Variants in HARS2 observed in about 807,000 individuals in gnomAD.
HARS2 encodes the protein histidine--tRNA ligase, mitochondrial.
HARS2 carries 40 observed loss-of-function variants against 62.4 expected under a neutral mutation model. That is an observed-to-expected ratio of 0.64 (90% confidence interval 0.50 to 0.83). The LOEUF (loss-of-function observed/expected upper bound fraction) is 0.83, where lower values mean the gene tolerates loss of function less well. HARS2 is among the 40% of genes least tolerant of loss of function. The pLI, the probability that HARS2 is intolerant of heterozygous loss-of-function variation, is 0.00. For missense variants in HARS2, 569 were observed against 626.4 expected (o/e 0.91, Z 0.98); for synonymous variants, 228 against 227.0 (o/e 1.00, Z -0.04).
intron 1 of HARS2, among the ~76,000 whole-genome samples, chr5:140,692,853 C>T (rs1759571075): frequency 6.6e-6 from 1 of 151,126 alleles, no homozygotes; most frequent in Non-Finnish European, 1.5e-5. Flanking sequence ...GATCGTGCCA[C>T]TGCACTCCAG....
Position 140,695,778 on chromosome 5 carries a change from A to G in HARS2, c.566A>G (p.Asp189Gly). 6.2e-7 allele frequency: 1 copy of G among 1,614,108 alleles called. No individual in the cohort carries two copies. The highest frequency in any genetic ancestry group is 1.1e-5 in the South Asian group (1 of 91,084). Reference sequence around the variant, plus strand: ...GGTCAGTTTGACCCTATGATCCCCGATGCAGAGTGTTTGAAGATCATGTGT... The same window carrying G: ...GGTCAGTTTGACCCTATGATCCCCGGTGCAGAGTGTTTGAAGATCATGTGT... ...IAGQFDPMIP[D>G]AECLKIMCEI... Residue 189 changes from aspartate (D) to glycine (G), a missense_variant, in exon 6 of 13, where the codon GAT (aspartate) becomes GGT (glycine). Transcript: ENST00000230771.
chr5:140,692,680 G>A (rs1759558123), intron 1 of HARS2, among the ~76,000 whole-genome samples: 1 of 152,020 alleles, frequency 6.6e-6, no homozygotes, highest in African/African-American at 2.4e-5. Context: ...ATCACCTGAG[G>A]TCAGGAGTTT....
chr5:140,697,796 TAC>T, intron 11 of HARS2, 111 bp downstream of exon 11: 1 of 1,203,250 alleles, frequency 8.3e-7, no homozygotes. Flanking sequence ...GTCTGCTAGC[TAC>T]TACTGGCTAC....
chr5:140,693,434 TG>T, intron 1 of HARS2, 156 bp from the exon 2 acceptor site: 1 of 1,429,362 alleles, frequency 7.0e-7, no homozygotes, highest in Non-Finnish European at 9.7e-7. Flanking sequence ...ATAGATTCTT[TG>T]GGGTGGGACT....
At chr5:140,695,439 C>T in intron 4 of HARS2, 69 bp from the exon 5 acceptor site, 1 of 1,590,022 alleles carries the variant, frequency 6.3e-7, no homozygotes, top group Non-Finnish European at 8.6e-7. Context: ...GCCCAGTCCT[C>T]CCTAATGTCT....
In HARS2 at chr5:140,697,213, T is replaced by C. The variant is rs1759781376; in HGVS notation, c.1004T>C (p.Val335Ala). The C allele has an allele frequency of 6.2e-7, 1 of 1,613,654 alleles. No individual in the cohort carries two copies. Among genetic ancestry groups the C allele is most frequent in the Non-Finnish European group, 8.5e-7 (1 of 1,179,980 alleles). ...LARGLDYYTG[V>A]IYEAVLLQTP... ...CGGGGCCTAGACTACTATACAGGAG[T>C]GATCTATGAAGCAGTGCTGCTGCAG... Residue 335 changes from valine to alanine, a missense_variant, in exon 10 of 13, where the codon GTG becomes GCG. Physicochemically the swap from Val to Ala is moderately conservative, Grantham distance 64. Coordinates refer to ENST00000230771, the MANE Select transcript of HARS2 (RefSeq NM_012208.4).
At position 140,694,180 on chromosome 5, in the gene HARS2, T is replaced by TA. The variant is rs757648883; in HGVS notation, c.304-4dup. 3.5e-5 allele frequency: 56 copies of TA among 1,610,666 alleles called. No homozygotes were observed. The highest frequency in any genetic ancestry group is 3.3e-4 in the Middle Eastern group (2 of 6,076). Reference sequence around the variant, plus strand: ...ACTGTGGCTCATTCTGTTTGACCCCTATAGGAAACCCTGACTGAGAAGTAT... The same window carrying TA: ...ACTGTGGCTCATTCTGTTTGACCCCTAATAGGAAACCCTGACTGAGAAGTAT... On this transcript the variant is annotated splice_polypyrimidine_tract_variant and splice_region_variant and intron_variant, in intron 3 of 12. Coordinates refer to ENST00000230771, the MANE Select transcript of HARS2 (RefSeq NM_012208.4).
In HARS2 at chr5:140,695,495, C is replaced by G. The variant is rs773285792; in HGVS notation, c.400-13C>G. ...GGATGCAGTATCCCTCTTCCTTAAC[C>G]CATTTATGTGAGGTTCCCTTTGCTC... On this transcript the variant is annotated splice_polypyrimidine_tract_variant and intron_variant, in intron 4 of 12. Transcript: ENST00000230771. The G allele has an allele frequency of 1.5e-5, 25 of 1,613,924 alleles. No individual in the cohort carries two copies. In the East Asian group the frequency reaches 5.1e-4, roughly 33 times the overall value.
chr5:140,698,625 G>A lies in HARS2; in HGVS notation c.*73G>A, dbSNP rs1759857557. On this transcript the variant is annotated 3_prime_UTR_variant, in exon 13 of 13. Transcript: ENST00000230771. ...TAGAACTGAATTCCTCTGGAATTGAGTGATGGACTTCACAACAACTAGCCA... is the reference window on the plus strand; with the variant it reads ...TAGAACTGAATTCCTCTGGAATTGAATGATGGACTTCACAACAACTAGCCA... The A allele has an allele frequency of 5.1e-6, 6 of 1,165,316 alleles. No individual in the cohort carries two copies. Among genetic ancestry groups the A allele is most frequent in the Non-Finnish European group, 7.8e-6 (6 of 769,530 alleles). The allele number at this position is 1,165,316 out of a possible 1,614,324, so 72.2% of individuals were successfully genotyped here. A position where few individuals can be genotyped will look rare whatever the true frequency, so the allele number is the denominator to read the frequency against.
chr5:140,691,577 T>G lies in HARS2; in HGVS notation c.-72T>G. 9.6e-7 allele frequency: 1 copy of G among 1,037,488 alleles called. No homozygotes were observed. 64.3% of individuals were successfully genotyped at this position (1,037,488 alleles called of 1,614,324 possible). Reference sequence around the variant, plus strand: ...TCCGCCTTTGCAGTGCCCTCCACCCTTCCTGGTGTCTGACCCGCCTCCTTC... The same window carrying G: ...TCCGCCTTTGCAGTGCCCTCCACCCGTCCTGGTGTCTGACCCGCCTCCTTC... On this transcript the variant is annotated 5_prime_UTR_variant, in exon 1 of 13. Transcript: ENST00000230771.
At chr5:140,693,508 G>T in intron 1 of HARS2, 83 bp from the exon 2 acceptor site, 1 of 1,611,142 alleles carries the variant, frequency 6.2e-7, no homozygotes, top group Non-Finnish European at 8.5e-7. Context: ...AGTCTTTGCA[G>T]GTTGGTGGTC....
At chr5:140,694,603 C>T (rs1469016557) in intron 4 of HARS2, among the ~76,000 whole-genome samples, 3 of 152,170 alleles carry the variant, frequency 2.0e-5, no homozygotes, top group African/African-American at 4.8e-5. Context: ...ACGTGGCTCA[C>T]GCCTGTAATC....
chr5:140,695,371 T>C (rs1215424036), intron 4 of HARS2, 137 bp from the exon 5 acceptor site: 12 of 938,394 alleles, frequency 1.3e-5, no homozygotes, highest in South Asian at 1.0e-4. Context: ...CTGCTAGGCC[T>C]TGGGGATAGT....
At chr5:140,695,366 A>T in intron 4 of HARS2, 142 bp from the exon 5 acceptor site, 1 of 887,970 alleles carries the variant, frequency 1.1e-6, no homozygotes. Flanking sequence ...AAGCACTGCT[A>T]GGCCTTGGGG....
In HARS2 at chr5:140,697,048, C is replaced by A. The variant is rs145866248; in HGVS notation, c.932C>A (p.Thr311Asn). ...GDLKLLFEYL[T>N]LFGIADKISF... is the part of the protein sequence containing the mutation. ...CTAAAGCTGCTATTTGAATACCTGA[C>A]TTTATTTGGAATTGCTGATAAGGTA... Residue 311 changes from threonine (T) to asparagine (N), a missense_variant, in exon 9 of 13, where the codon ACT becomes AAT. Physicochemically the swap from Thr to Asn is moderately conservative, Grantham distance 65. Transcript: ENST00000230771. 3.0e-4 allele frequency: 480 copies of A among 1,614,140 alleles called. 2 individuals are homozygous for A. Among genetic ancestry groups the A allele is most frequent in the Admixed American group, 2.3e-4 (14 of 60,028 alleles).
At position 140,696,261 on chromosome 5, in the gene HARS2, A is replaced by T. The variant is rs140933736; in HGVS notation, c.732+60A>T. ...TAGCTTCTGCCCTGCCCTCAAATCC[A>T]TACCACTAGTGAAAAATAAGGAGAT... On this transcript the variant is annotated intron_variant, in intron 7 of 12. Coordinates refer to ENST00000230771, the MANE Select transcript of HARS2 (RefSeq NM_012208.4). 2.4e-3 allele frequency: 2,885 copies of T among 1,190,012 alleles called. 14 individuals are homozygous for T. Among genetic ancestry groups the T allele is most frequent in the Middle Eastern group, 0.011 (55 of 5,230 alleles). 73.7% of individuals were successfully genotyped at this position (1,190,012 alleles called of 1,614,324 possible).
rs577252159 is a variant in HARS2, at chr5:140,693,301, C to T, written c.109-290C>T. Among the ~76,000 whole-genome samples, 4 of 149,934 alleles carry T rather than the reference C, an allele frequency of 2.7e-5. No homozygotes were observed. The South Asian group carries it at 8.4e-4, about 32-fold the overall frequency. ...GAGCCGTGATTGTGCCACTGTACTC[C>T]AGCCTGGGCAACAGACCGAGACTCT... On this transcript the variant is annotated intron_variant, in intron 1 of 12. Transcript: ENST00000230771.
rs1348586769 is a variant in HARS2 at position 140,697,181 on chromosome 5, C to T, written c.972C>T (p.Ser324=). 3.1e-6 allele frequency: 5 copies of T among 1,614,216 alleles called. No individual in the cohort carries two copies. The highest frequency in any genetic ancestry group is 1.3e-5 in the African/African-American group (1 of 75,048). ...CCCCACAGATCTCCTTTGACCTCAG[C>T]CTGGCTCGGGGCCTAGACTACTATA... ...GIADKISFDL[S]LARGLDYYTG... is the part of the protein sequence containing the mutation. Residue 324 remains serine (S), a synonymous_variant, in exon 10 of 13, where the codon AGC becomes AGT. Coordinates refer to ENST00000230771, the MANE Select transcript of HARS2 (RefSeq NM_012208.4).
chr5:140,696,535 T>C lies in HARS2; in HGVS notation c.747T>C (p.Asp249=). The change falls in exon 8 of 13, where the codon GAT becomes GAC. Residue 249 remains aspartate, a synonymous_variant. Coordinates refer to ENST00000230771, the MANE Select transcript of HARS2 (RefSeq NM_012208.4). ...TGTTTATGCAGATGGCTTGGAAAGA[T>C]GTGAGACATGAGATGGTGGTGAAGA... ...IDKLDKMAWK[D]VRHEMVVKKG... 6.2e-7 allele frequency: 1 copy of C among 1,613,368 alleles called. No homozygotes were observed. The highest frequency in any genetic ancestry group is 8.5e-7 in the Non-Finnish European group (1 of 1,179,280).
Sources: gnomAD v4.1 joint callset for allele counts (sites outside exome capture counted in the v4.1 genomes callset) on GRCh38, gnomAD v4.1.1 for gene constraint, MANE v1.5 for transcripts, NCBI Gene and HGNC (gene_info 2026-07-23, HGNC 2026-07-21) for gene names.